The following AHI1 variants were observed in gnomAD, a reference collection of about 807,000 sequenced individuals.
AHI1 encodes the protein Abelson helper integration site 1, also known as jouberin.
AHI1 carries 123 observed loss-of-function variants against 149.3 expected under a neutral mutation model. The observed-to-expected ratio is 0.82, with a 90% CI of 0.71 to 0.96. The LOEUF (loss-of-function observed/expected upper bound fraction) is 0.96, where lower values mean the gene tolerates loss of function less well. Ranked by LOEUF, AHI1 falls within the 40% of genes least tolerant of loss-of-function variation. The probability of loss-of-function intolerance (pLI) is 0.00; values close to 1 mark genes in which losing one functional copy is unlikely to be tolerated. For missense variants in AHI1, 1,439 were observed against 1,422.7 expected, an observed-to-expected ratio of 1.01 and a Z score of -0.18; for synonymous variants, 475 against 459.8, an observed-to-expected ratio of 1.03 and a Z score of -0.42.
At chr6:135,315,211 T>C (rs559117765) in intron 26 of AHI1, among the ~76,000 whole-genome samples, 1 of 152,282 alleles carries the variant, frequency 6.6e-6, no homozygotes, top group East Asian at 1.9e-4. Context: ...CCAGTTCAAC[T>C]CTAATAACAT....
chr6:135,408,030 G>A (rs1390428350), intron 21 of AHI1, among the ~76,000 whole-genome samples: 5 of 147,738 alleles, frequency 3.4e-5, no homozygotes, highest in East Asian at 2.0e-4. Flanking sequence ...GTGAGATTCC[G>A]TCTCAAAAAA....
At chr6:135,383,226 CTTTTT>C (rs764546253) in intron 23 of AHI1, among the ~76,000 whole-genome samples, 5 of 76,870 alleles carry the variant, frequency 6.5e-5, no homozygotes, top group Non-Finnish European at 1.1e-4. Flanking sequence ...TCCCCCCTCC[CTTTTT>C]TTTTTTTTTT....
chr6:135,463,089 A>T, intron 8 of AHI1, 36 bp downstream of exon 8: 1 of 1,517,210 alleles, frequency 6.6e-7, no homozygotes, highest in Non-Finnish European at 8.9e-7. Flanking sequence ...ATTTCTACCA[A>T]CATACACAAT....
chr6:135,371,452 A>G (rs1775046900), intron 23 of AHI1, among the ~76,000 whole-genome samples: 1 of 152,192 alleles, frequency 6.6e-6, no homozygotes, highest in Admixed American at 6.5e-5. Context: ...TACCTAGGAA[A>G]TCAGGAATTT....
In AHI1 at chr6:135,345,321, A is replaced by G. The variant is rs1791030466; in HGVS notation, c.3165+12811T>C. Among the ~76,000 whole-genome samples, 3 of 152,208 alleles carry G rather than the reference A, an allele frequency of 2.0e-5. No homozygotes were observed. In the South Asian group the frequency reaches 6.2e-4, roughly 32 times the overall value. ...TGATGCGGCAATTCTACTCCTAAAT[A>G]TATACACCCAAGAGAATGGAAAACT... is the stretch of plus-strand genomic sequence containing the variant. On this transcript the variant is annotated intron_variant, in intron 24 of 28. Coordinates refer to ENST00000265602, the MANE Select transcript of AHI1 (RefSeq NM_001134831.2).
chr6:135,490,573 C>T, intron 5 of AHI1, 50 bp downstream of exon 5: 1 of 1,608,252 alleles, frequency 6.2e-7, no homozygotes, highest in South Asian at 1.1e-5. Context: ...GCCATATCTG[C>T]ATTTTATGCG....
intron 23 of AHI1, among the ~76,000 whole-genome samples, chr6:135,362,353 G>A (rs1794034241): frequency 6.6e-6 from 1 of 152,076 alleles, no homozygotes; most frequent in African/African-American, 2.4e-5. Flanking sequence ...TTAGGTTGGT[G>A]CAAAAGTAAT....
intron 20 of AHI1, among the ~76,000 whole-genome samples, chr6:135,424,243 C>T (rs932027224): frequency 1.3e-5 from 2 of 152,142 alleles, no homozygotes; most frequent in Middle Eastern, 3.4e-3. Flanking sequence ...GCGAGGATAA[C>T]AGCCCCTATG....
At chr6:135,453,489 T>C (rs918828967) in intron 10 of AHI1, 53 bp from the exon 11 acceptor site, 12 of 1,260,604 alleles carry the variant, frequency 9.5e-6, no homozygotes, top group Admixed American at 6.8e-5. Context: ...TATTTTCTAA[T>C]GGTACATTAT....
chr6:135,469,987 G>C (rs1254230484), intron 5 of AHI1, among the ~76,000 whole-genome samples: 1 of 152,136 alleles, frequency 6.6e-6, no homozygotes, highest in African/African-American at 2.4e-5. Flanking sequence ...AAACTACAGA[G>C]CTTCTGCACA....
chr6:135,490,251 A>T, intron 5 of AHI1: 1 of 720,340 alleles, frequency 1.4e-6, no homozygotes, highest in Non-Finnish European at 2.6e-6. Context: ...ACACAGAAAT[A>T]GTTTAAATAA....
rs755535580 is a variant in AHI1 at position 135,429,916 on chromosome 6, T to A, written c.2458A>T (p.Lys820Ter). The change falls in exon 18 of 29, where the codon AAA becomes TAA. Residue 820 changes from lysine to a stop codon, truncating the protein, a stop_gained. Transcript: ENST00000265602. LOFTEE classifies it high-confidence loss of function. The stretch of plus-strand genomic sequence containing the variant: ...TCCATAATTCTCAAAGTACTGTCTT[T>A]GGTATGGATTAACAAACGTTTTCCA... ...PNGKRLLIHT[K>*]DSTLRIMDLR... The A allele has an allele frequency of 6.3e-7, 1 of 1,586,562 alleles. No homozygotes were observed. Among genetic ancestry groups the A allele is most frequent in the African/African-American group, 1.3e-5 (1 of 74,490 alleles).
intron 28 of AHI1, among the ~76,000 whole-genome samples, chr6:135,287,641 T>C (rs1781848379): frequency 1.3e-5 from 2 of 152,248 alleles, no homozygotes; most frequent in Admixed American, 6.5e-5. Flanking sequence ...AAAGTATCTC[T>C]GTAATCTAAC....
chr6:135,376,921 A>AAAAAAAAAAAG (rs1776025303), intron 23 of AHI1, among the ~76,000 whole-genome samples: 1 of 128,690 alleles, frequency 7.8e-6, no homozygotes, highest in African/African-American at 2.9e-5. Flanking sequence ...AAAAAAAAAA[A>AAAAAAAAAAAG]GTTGGTCCAG....
At chr6:135,292,861 A>G (rs1240573654) in intron 27 of AHI1, among the ~76,000 whole-genome samples, 1 of 152,226 alleles carries the variant, frequency 6.6e-6, no homozygotes, top group Admixed American at 6.5e-5. Flanking sequence ...TATTCTAGAA[A>G]ATTGAAGAGG....
chr6:135,488,589 C>A (rs1794805708), intron 5 of AHI1, among the ~76,000 whole-genome samples: 1 of 152,128 alleles, frequency 6.6e-6, no homozygotes, highest in South Asian at 2.1e-4. Context: ...AAAAGAATCC[C>A]AATATCTATC....
chr6:135,386,090 C>T (rs1315102732), intron 23 of AHI1, among the ~76,000 whole-genome samples: 4 of 152,148 alleles, frequency 2.6e-5, no homozygotes, highest in African/African-American at 9.7e-5. Flanking sequence ...CAAAACATAT[C>T]GTCTGGCCTA....
At chr6:135,419,399 G>T (rs80209994) in intron 20 of AHI1, among the ~76,000 whole-genome samples, 1,607 of 152,066 alleles carry the variant, frequency 0.011, 14 homozygotes, top group Non-Finnish European at 0.017. Context: ...ACAATTTCCC[G>T]ACTGCAGCCT....
chr6:135,453,485 C>A (rs1276284601), intron 10 of AHI1, 49 bp from the exon 11 acceptor site: 1 of 1,280,864 alleles, frequency 7.8e-7, no homozygotes, highest in African/African-American at 1.5e-5. Flanking sequence ...TTAATATTTT[C>A]TAATGGTACA....
Sources: allele counts gnomAD v4.1 joint callset (sites outside exome capture counted in the v4.1 genomes callset), GRCh38; gene constraint gnomAD v4.1.1; transcripts MANE v1.5; gene names NCBI Gene and HGNC (gene_info 2026-07-23, HGNC 2026-07-21).